TPO: variants seen among roughly 807,000 people sequenced by gnomAD.
TPO encodes thyroid peroxidase, also known as thyroid microsomal antigen.
TPO carries 78 observed loss-of-function variants against 96.9 expected under a neutral mutation model. The ratio of observed to expected loss-of-function variants is 0.81; its 90% confidence interval spans 0.67 to 0.97. TPO has a LOEUF of 0.97. Among genes scored for constraint, TPO ranks in the 50% least tolerant of loss-of-function variants. TPO has a pLI of 0.00. For missense variants in TPO, 1,252 were observed against 1,274.8 expected, an observed-to-expected ratio of 0.98 and a Z score of 0.27; for synonymous variants, 547 against 538.0, an observed-to-expected ratio of 1.02 and a Z score of -0.23.
chr2:1,483,402 A>G (rs1279749962), intron 8 of TPO, among the ~76,000 whole-genome samples: 1 of 152,246 alleles, frequency 6.6e-6, no homozygotes, highest in East Asian at 1.9e-4. Context: ...GGCTAAAAAG[A>G]GAGAGGCCTT....
At chr2:1,498,833 C>T (rs1437790645) in intron 13 of TPO, among the ~76,000 whole-genome samples, 1 of 150,632 alleles carries the variant, frequency 6.6e-6, no homozygotes, top group Non-Finnish European at 1.5e-5. Flanking sequence ...TCACGAATCG[C>T]AAGGTTTTCC....
At chr2:1,435,792 C>T (rs1172178656) in intron 4 of TPO, among the ~76,000 whole-genome samples, 2 of 152,208 alleles carry the variant, frequency 1.3e-5, no homozygotes, top group Admixed American at 1.3e-4. Context: ...GTACCATCTT[C>T]ATCAAGGCAA....
chr2:1,529,995 C>CCTCAAATT (rs1677694155), intron 15 of TPO, among the ~76,000 whole-genome samples: 1 of 138,882 alleles, frequency 7.2e-6, no homozygotes, highest in Non-Finnish European at 1.5e-5. Context: ...TGTGCAACCT[C>CCTCAAATT]GCCCAATCAC....
At chr2:1,475,517 A>G (rs570965567) in intron 7 of TPO, among the ~76,000 whole-genome samples, 77 of 151,128 alleles carry the variant, frequency 5.1e-4, no homozygotes, top group South Asian at 8.4e-4. Context: ...TCCGCCTCCC[A>G]GGTTCACGCC....
chr2:1,509,416 A>C (rs1673835294), intron 14 of TPO, among the ~76,000 whole-genome samples: 1 of 146,996 alleles, frequency 6.8e-6, no homozygotes, highest in Non-Finnish European at 1.5e-5. Context: ...CAGGGACACC[A>C]CACCCTCTTG....
intron 9 of TPO, among the ~76,000 whole-genome samples, chr2:1,485,867 C>G (rs970893965): frequency 6.6e-6 from 1 of 152,170 alleles, no homozygotes; most frequent in African/African-American, 2.4e-5. Flanking sequence ...CTTGTTCACT[C>G]TGATAGTGGT....
chr2:1,399,298 AG>A (rs901148701), intron 1 of TPO, among the ~76,000 whole-genome samples: 2 of 152,358 alleles, frequency 1.3e-5, no homozygotes, highest in African/African-American at 4.8e-5. Context: ...CAGCAGCATC[AG>A]CAGCCTGACG....
chr2:1,510,590 C>A (rs1001986302), intron 14 of TPO, among the ~76,000 whole-genome samples: 8 of 152,166 alleles, frequency 5.3e-5, no homozygotes, highest in Admixed American at 3.9e-4. Context: ...CCTAAGAGGG[C>A]TCACCCACTA....
chr2:1,386,811 G>A (rs1218288694), intron 1 of TPO, among the ~76,000 whole-genome samples: 1 of 152,014 alleles, frequency 6.6e-6, no homozygotes, highest in African/African-American at 2.4e-5. Context: ...TAGCATCGAT[G>A]GTCTTTACAA....
intron 5 of TPO, among the ~76,000 whole-genome samples, chr2:1,444,350 A>T (rs1303294882): frequency 1.3e-5 from 2 of 151,056 alleles, no homozygotes; most frequent in African/African-American, 4.9e-5. Context: ...TGCAGGAGGC[A>T]CCGTGTTGGA....
At chr2:1,457,978 TAGTG>T (rs1263999769) in intron 7 of TPO, among the ~76,000 whole-genome samples, 2 of 147,088 alleles carry the variant, frequency 1.4e-5, no homozygotes, top group Non-Finnish European at 1.5e-5. Flanking sequence ...GCATATAAGA[TAGTG>T]TGTGGGCACG....
chr2:1,476,983 GA>G (rs1278605456), intron 7 of TPO, 102 bp from the exon 8 acceptor site: 1 of 1,425,484 alleles, frequency 7.0e-7, no homozygotes, highest in African/African-American at 1.4e-5. Flanking sequence ...GAGGGGCAGA[GA>G]AACGTGCGGC....
intron 1 of TPO, among the ~76,000 whole-genome samples, chr2:1,385,458 A>G (rs767359042): frequency 1.3e-5 from 2 of 152,040 alleles, no homozygotes; most frequent in African/African-American, 4.8e-5. Context: ...GTGTCGAGTA[A>G]TTTATCAATT....
chr2:1,477,553 C>T lies in TPO; in HGVS notation c.1287C>T (p.Ser429=). 1 of 1,535,948 alleles carries T rather than the reference C, an allele frequency of 6.5e-7. No individual in the cohort carries two copies. Among genetic ancestry groups the T allele is most frequent in the Non-Finnish European group, 8.7e-7 (1 of 1,146,642 alleles). ...TCAAGGCCCTCAATGCGCACTGGAG[C>T]GCGGACGCCGTGTACCAGGAGGCGC... ...AALKALNAHW[S]ADAVYQEARK... Residue 429 remains serine (S), a synonymous_variant, in exon 8 of 17, where the codon AGC becomes AGT. Coordinates refer to ENST00000329066, the MANE Select transcript of TPO (RefSeq NM_001206744.2).
At chr2:1,414,603 C>A in intron 2 of TPO, 101 bp downstream of exon 2, 1 of 1,070,518 alleles carries the variant, frequency 9.3e-7, no homozygotes, top group Non-Finnish European at 1.4e-6. Context: ...TCACTTTAGG[C>A]CCCTGTAGTG....
At chr2:1,482,575 G>C (rs1188346138) in intron 8 of TPO, among the ~76,000 whole-genome samples, 1 of 152,204 alleles carries the variant, frequency 6.6e-6, no homozygotes, top group Non-Finnish European at 1.5e-5. Flanking sequence ...CAATAGTTCA[G>C]AGTAACCATT....
At chr2:1,447,022 C>A (rs2148553461) in intron 5 of TPO, among the ~76,000 whole-genome samples, 1 of 151,808 alleles carries the variant, frequency 6.6e-6, no homozygotes, top group South Asian at 2.1e-4. Flanking sequence ...GTATTGTAAA[C>A]CAAAAATAAA....
intron 7 of TPO, among the ~76,000 whole-genome samples, chr2:1,476,097 A>G (rs548329147): frequency 6.6e-6 from 1 of 151,548 alleles, no homozygotes; most frequent in Non-Finnish European, 1.5e-5. Context: ...GTTCCTTCCT[A>G]CTCCTCAGTG....
chr2:1,455,742 C>T (rs1283182826), intron 6 of TPO, among the ~76,000 whole-genome samples: 1 of 152,206 alleles, frequency 6.6e-6, no homozygotes, highest in East Asian at 1.9e-4. Context: ...TGTCCTAAAG[C>T]CTGGCTGTTT....
Sources: allele counts gnomAD v4.1 joint callset (sites outside exome capture counted in the v4.1 genomes callset), GRCh38; gene constraint gnomAD v4.1.1; transcripts MANE v1.5; gene names NCBI Gene and HGNC (gene_info 2026-07-23, HGNC 2026-07-21).